GALNT17: variants seen among roughly 807,000 people sequenced by gnomAD.
The protein encoded by GALNT17 is UDP-GalNAc:polypeptide N-acetylgalactosaminyltransferase-like 3.
Under a neutral mutation model 63.7 loss-of-function variants are expected in GALNT17, and 29 were observed. The ratio of observed to expected loss-of-function variants is 0.46; its 90% CI spans 0.34 to 0.62. The LOEUF (loss-of-function observed/expected upper bound fraction) is 0.62, where lower values mean the gene tolerates loss of function less well. Ranked by LOEUF, GALNT17 falls within the 20% of genes least tolerant of loss-of-function variation. The pLI, the probability that GALNT17 is intolerant of heterozygous loss-of-function variation, is 0.01. For missense variants in GALNT17, 603 were observed against 799.6 expected, an observed-to-expected ratio of 0.75 and a Z score of 2.97; for synonymous variants, 305 against 318.3, an observed-to-expected ratio of 0.96 and a Z score of 0.45.
At chr7:71,285,134 A>C (rs562339663) in intron 1 of GALNT17, among the ~76,000 whole-genome samples, 4 of 152,332 alleles carry the variant, frequency 2.6e-5, no homozygotes, top group African/African-American at 9.6e-5. Context: ...AGAAATTACA[A>C]AATTCACAAA....
At chr7:71,242,720 C>A (rs183803643) in intron 1 of GALNT17, among the ~76,000 whole-genome samples, 1 of 152,306 alleles carries the variant, frequency 6.6e-6, no homozygotes, top group African/African-American at 2.4e-5. Flanking sequence ...GAGGAACTTA[C>A]AGCCTGGGCC....
At chr7:71,565,658 A>G (rs904977616) in intron 5 of GALNT17, among the ~76,000 whole-genome samples, 1 of 151,986 alleles carries the variant, frequency 6.6e-6, no homozygotes, top group Non-Finnish European at 1.5e-5. Flanking sequence ...TGGAAATACC[A>G]TGAGAAATGA....
At chr7:71,537,534 C>A (rs4719139) in intron 5 of GALNT17, among the ~76,000 whole-genome samples, 43,531 of 152,036 alleles carry the variant, frequency 0.29, 6,538 homozygotes, top group Admixed American at 0.32. Flanking sequence ...AGAAGAGAGG[C>A]CAGGCACTGT....
rs1222687058 is a variant in GALNT17 at position 71,571,277 on chromosome 7, T to TA, written c.963-8_963-7insA. On this transcript the variant is annotated splice_polypyrimidine_tract_variant and splice_region_variant and intron_variant, in intron 5 of 10. Transcript: ENST00000333538. ...TCAATGAGCTTCCCTTCTTTCTCCC[T>TA]CCCTCAGGACCCCAGCCATGATAGG... 1 of 1,613,518 alleles carries TA rather than the reference T, an allele frequency of 6.2e-7. No individual in the cohort carries two copies. Among genetic ancestry groups the TA allele is most frequent in the Non-Finnish European group, 8.5e-7 (1 of 1,179,542 alleles).
chr7:71,166,496 G>A (rs758575691), intron 1 of GALNT17, among the ~76,000 whole-genome samples: 3 of 152,244 alleles, frequency 2.0e-5, no homozygotes, highest in Non-Finnish European at 4.4e-5. Context: ...CTCATCCGTC[G>A]TGTCTTCCTG....
intron 1 of GALNT17, among the ~76,000 whole-genome samples, chr7:71,218,685 C>T (rs1789530120): frequency 6.6e-6 from 1 of 151,984 alleles, no homozygotes; most frequent in Non-Finnish European, 1.5e-5. Flanking sequence ...TGCATTACCA[C>T]CTGAGCTCCA....
intron 5 of GALNT17, among the ~76,000 whole-genome samples, chr7:71,428,092 A>G (rs1447880699): frequency 2.0e-5 from 3 of 152,162 alleles, no homozygotes; most frequent in African/African-American, 7.2e-5. Flanking sequence ...GTGGCAATAT[A>G]TATGTAACAT....
chr7:71,334,452 G>GGTGTGT (rs34233177), intron 1 of GALNT17, among the ~76,000 whole-genome samples: 3 of 151,352 alleles, frequency 2.0e-5, no homozygotes, highest in African/African-American at 4.8e-5. Flanking sequence ...TGGATAAAGT[G>GGTGTGT]GTGTGTGTGT....
intron 2 of GALNT17, among the ~76,000 whole-genome samples, chr7:71,372,714 C>T (rs1241155617): frequency 6.6e-6 from 1 of 152,202 alleles, no homozygotes; most frequent in Non-Finnish European, 1.5e-5. Context: ...CTCTGCTTCT[C>T]CAAGTGCTGA....
At chr7:71,570,743 G>A (rs1029517799) in intron 5 of GALNT17, among the ~76,000 whole-genome samples, 1 of 152,072 alleles carries the variant, frequency 6.6e-6, no homozygotes, top group East Asian at 1.9e-4. Context: ...ACTTTGGGAC[G>A]CTGAGGTGGG....
At chr7:71,373,715 C>A (rs1792670132) in intron 2 of GALNT17, among the ~76,000 whole-genome samples, 1 of 152,124 alleles carries the variant, frequency 6.6e-6, no homozygotes, top group Non-Finnish European at 1.5e-5. Flanking sequence ...AATCTAATGC[C>A]TGATGATCTG....
chr7:71,411,305 G>C (rs2116420551), intron 3 of GALNT17, among the ~76,000 whole-genome samples: 1 of 152,050 alleles, frequency 6.6e-6, no homozygotes, highest in Non-Finnish European at 1.5e-5. Flanking sequence ...ATTTTTAGTA[G>C]AGATAAGGTC....
chr7:71,319,739 C>G (rs554760980), intron 1 of GALNT17, among the ~76,000 whole-genome samples: 2 of 152,318 alleles, frequency 1.3e-5, no homozygotes, highest in East Asian at 3.9e-4. Context: ...CATTCAACAT[C>G]CTTTGTTGCT....
At chr7:71,544,651 T>A (rs1354677064) in intron 5 of GALNT17, among the ~76,000 whole-genome samples, 1 of 152,134 alleles carries the variant, frequency 6.6e-6, no homozygotes, top group Non-Finnish European at 1.5e-5. Context: ...GGGGGAGTAG[T>A]TGACTTCACA....
intron 5 of GALNT17, among the ~76,000 whole-genome samples, chr7:71,497,846 C>T (rs917608718): frequency 2.6e-5 from 4 of 152,216 alleles, no homozygotes; most frequent in African/African-American, 9.6e-5. Context: ...ACTGGGAACC[C>T]AGGTGCTCTT....
chr7:71,133,119 T>A, intron 1 of GALNT17, 79 bp downstream of exon 1: 1 of 1,240,480 alleles, frequency 8.1e-7, no homozygotes, highest in Non-Finnish European at 1.1e-6. Context: ...CCTTGCGCGC[T>A]GCGCCCTGTG....
chr7:71,700,429 C>T (rs534894144), intron 9 of GALNT17, among the ~76,000 whole-genome samples: 1 of 152,318 alleles, frequency 6.6e-6, no homozygotes. Context: ...CTTCCATCCT[C>T]ATTGCAGTTC....
chr7:71,182,608 C>G (rs1788754788), intron 1 of GALNT17, among the ~76,000 whole-genome samples: 2 of 152,160 alleles, frequency 1.3e-5, no homozygotes, highest in Middle Eastern at 3.4e-3. Flanking sequence ...AGCTCAGAGT[C>G]TTGTTTCTGA....
chr7:71,380,182 C>G (rs1475561664), intron 2 of GALNT17, among the ~76,000 whole-genome samples: 1 of 151,936 alleles, frequency 6.6e-6, no homozygotes, highest in African/African-American at 2.4e-5. Context: ...AGAGCAGTTT[C>G]AGCAAAATAG....
Sources: allele counts gnomAD v4.1 joint callset (sites outside exome capture counted in the v4.1 genomes callset), GRCh38; gene constraint gnomAD v4.1.1; transcripts MANE v1.5; gene names NCBI Gene and HGNC (gene_info 2026-07-23, HGNC 2026-07-21).